The following HR variants were observed in gnomAD, a reference collection of about 807,000 sequenced individuals.
HR encodes the protein lysine-specific demethylase hairless.
In HR, 83 loss-of-function variants were observed where a neutral mutation model predicts 128.6. The observed-to-expected ratio is 0.65, with a 90% CI of 0.54 to 0.77. HR has a LOEUF of 0.77. HR is among the 30% of genes least tolerant of loss of function. The pLI is 0.00. For missense variants in HR, 1,490 were observed against 1,574.6 expected, an observed-to-expected ratio of 0.95 and a Z score of 0.91; for synonymous variants, 681 against 658.2, an observed-to-expected ratio of 1.03 and a Z score of -0.53.
At position 22,125,644 on chromosome 8, in the gene HR, T is replaced by C; in HGVS notation, c.1494A>G (p.Gln498=). 2 of 1,612,660 alleles carry C rather than the reference T, an allele frequency of 1.2e-6. No individual in the cohort carries two copies. The highest frequency in any genetic ancestry group is 1.7e-6 in the Non-Finnish European group (2 of 1,179,630). Residue 498 remains glutamine, a synonymous_variant, in exon 4 of 19, where the codon CAA becomes CAG. Coordinates refer to ENST00000381418, the MANE Select transcript of HR (RefSeq NM_005144.5). Reference sequence around the variant, plus strand: ...CCTCTCCAGCTGCCTGGGCACAACTTTGGCATTGAGCCAGTTTTGCAGGGA... The same window carrying C: ...CCTCTCCAGCTGCCTGGGCACAACTCTGGCATTGAGCCAGTTTTGCAGGGA... ...LALPAKLAQC[Q]SCAQAAGEGG...
rs1826701624 is a variant in HR at position 22,120,186 on chromosome 8, A to G, written c.2777-13T>C. On this transcript the variant is annotated splice_polypyrimidine_tract_variant and intron_variant, in intron 12 of 18. Coordinates refer to ENST00000381418, the MANE Select transcript of HR (RefSeq NM_005144.5). The stretch of plus-strand genomic sequence containing the variant: ...GACTTTGGGCGAACTACAGGAGGAG[A>G]CAGAACGGCCATTGGCCTCCTCAGC... 1.3e-6 allele frequency: 2 copies of G among 1,593,642 alleles called. No homozygotes were observed. The highest frequency in any genetic ancestry group is 1.8e-5 in the Admixed American group (1 of 55,326).
Position 22,128,629 on chromosome 8 carries a change from A to C in HR, c.542T>G (p.Leu181Arg), listed in dbSNP as rs201231790. Residue 181 changes from leucine (L) to arginine (R), a missense_variant, in exon 2 of 19, where the codon CTG becomes CGG. Coordinates refer to ENST00000381418, the MANE Select transcript of HR (RefSeq NM_005144.5). The part of the protein sequence containing the change: ...LPPEHPCDWP[L>R]TPHPWVYSGG... ...GGAGTATACCCAGGGGTGCGGGGTC[A>C]GGGGCCAGTCACATGGATGCTCTGG... 59 of 1,600,976 alleles carry C rather than the reference A, an allele frequency of 3.7e-5. No homozygotes were observed. The highest frequency in any genetic ancestry group is 4.9e-5 in the Non-Finnish European group (58 of 1,174,780).
At chr8:22,117,873 G>A (rs568191520) in intron 16 of HR, 81 of 152,466 alleles carry the variant, frequency 5.3e-4, no homozygotes, top group African/African-American at 1.8e-3. Flanking sequence ...GGACCCTAGG[G>A]GAGTCCCAGC....
chr8:22,119,355 T>A, intron 14 of HR, 72 bp from the exon 15 acceptor site: 2 of 1,602,580 alleles, frequency 1.2e-6, no homozygotes, highest in Non-Finnish European at 1.7e-6. Context: ...ACGCCTGTAA[T>A]CCTGGCACTT....
At chr8:22,122,918 C>G (rs1187515736) in intron 6 of HR, 39 bp from the exon 7 acceptor site, 1 of 1,534,954 alleles carries the variant, frequency 6.5e-7, no homozygotes, top group Non-Finnish European at 8.8e-7. Context: ...GTCCAGAAAT[C>G]AAGGTAATCA....
At position 22,123,640 on chromosome 8, in the gene HR, C is replaced by T. The variant is rs1826811020; in HGVS notation, c.1915+9G>A. On this transcript the variant is annotated intron_variant, in intron 6 of 18. Coordinates refer to ENST00000381418, the MANE Select transcript of HR (RefSeq NM_005144.5). Reference sequence around the variant, plus strand: ...CATCCCGCCCTCCCACCCCCAGCCCCTCTCCTACCTGCTTTCTCCCTGGCC... The same window carrying T: ...CATCCCGCCCTCCCACCCCCAGCCCTTCTCCTACCTGCTTTCTCCCTGGCC... 1 of 1,523,188 alleles carries T rather than the reference C, an allele frequency of 6.6e-7. No individual in the cohort carries two copies. Among genetic ancestry groups the T allele is most frequent in the Non-Finnish European group, 8.8e-7 (1 of 1,138,474 alleles). The allele number at this position is 1,523,188 out of a possible 1,614,324, so 94.4% of individuals were successfully genotyped here.
At chr8:22,117,949 G>A (rs999111637) in intron 16 of HR, 4 of 152,316 alleles carry the variant, frequency 2.6e-5, no homozygotes, top group Non-Finnish European at 5.9e-5. Flanking sequence ...GTGTTTCCCA[G>A]GCCACCCAGG....
At chr8:22,130,218 G>A (rs1221057726) in intron 1 of HR, among the ~76,000 whole-genome samples, 1 of 152,250 alleles carries the variant, frequency 6.6e-6, no homozygotes, top group Non-Finnish European at 1.5e-5. Context: ...CCAGGCGGGA[G>A]GTGACGGCGC....
At chr8:22,123,616 A>AGGGGGGCCCC (rs1563180402) in intron 6 of HR, 33 bp downstream of exon 6, 1 of 562,348 alleles carries the variant, frequency 1.8e-6, no homozygotes, top group African/African-American at 2.0e-5. Context: ...TGAGGGCTCC[A>AGGGGGGCCCC]TCCCGCCCTC....
At chr8:22,122,681 G>C in intron 7 of HR, 73 bp from the exon 8 acceptor site, 1 of 1,489,130 alleles carries the variant, frequency 6.7e-7, no homozygotes, top group Non-Finnish European at 9.2e-7. Context: ...GGGCAGCTTG[G>C]CCTTGCCAAG....
In HR at chr8:22,127,539, G is replaced by A. The variant is rs139332274; in HGVS notation, c.903C>T (p.Asn301=). The A allele has an allele frequency of 6.2e-6, 10 of 1,613,094 alleles. No individual in the cohort carries two copies. Among genetic ancestry groups the A allele is most frequent in the South Asian group, 3.3e-5 (3 of 91,088 alleles). Residue 301 remains asparagine (N), a synonymous_variant, in exon 3 of 19, where the codon AAC becomes AAT. Coordinates refer to ENST00000381418, the MANE Select transcript of HR (RefSeq NM_005144.5). ...GNVWAGPGDG[N]LGYQLGPPAT... ...CTGGTGGCCCCAGCTGGTACCCAAG[G>A]TTCCCATCGCCTGGCCCAGCCCAGA...
chr8:22,123,902 G>T, intron 5 of HR, 89 bp from the exon 6 acceptor site: 1 of 1,429,676 alleles, frequency 7.0e-7, no homozygotes. Flanking sequence ...AGGAGGGGCA[G>T]GAGAAGCAAG....
Position 22,125,390 on chromosome 8 carries a change from G to A in HR, c.1671C>T (p.His557=), listed in dbSNP as rs558300129. ...DSRLSTGLAK[H]LLSGLGDRLC... ...GTCGGTCCCCCAAACCACTGAGCAG[G>A]TGCTTGGCGAGGCCTGTGCTGAGCC... Residue 557 remains histidine, a synonymous_variant, in exon 5 of 19, where the codon CAC becomes CAT. Coordinates refer to ENST00000381418, the MANE Select transcript of HR (RefSeq NM_005144.5). 4 of 1,611,148 alleles carry A rather than the reference G, an allele frequency of 2.5e-6. No individual in the cohort carries two copies. The highest frequency in any genetic ancestry group is 3.3e-5 in the Admixed American group (2 of 59,720).
rs574361484 is a variant in HR at position 22,121,215 on chromosome 8, G to A, written c.2217C>T (p.Ser739=). The A allele has an allele frequency of 4.4e-5, 71 of 1,613,684 alleles. No homozygotes were observed. The highest frequency in any genetic ancestry group is 1.6e-4 in the Middle Eastern group (1 of 6,084). ...TKSIKEETPD[S]AETPAEDRAG... is the part of the protein sequence containing the mutation. ...CACGGTCCTCTGCTGGGGTCTCAGCGGAATCGGGGGTCTCTGTCAGGGAGG... is the reference window on the plus strand; with the variant it reads ...CACGGTCCTCTGCTGGGGTCTCAGCAGAATCGGGGGTCTCTGTCAGGGAGG... Residue 739 remains serine (S), a synonymous_variant, in exon 10 of 19, where the codon TCC becomes TCT. Coordinates refer to ENST00000381418, the MANE Select transcript of HR (RefSeq NM_005144.5).
chr8:22,128,727 C>T lies in HR; in HGVS notation c.444G>A (p.Glu148=). 6.3e-7 allele frequency: 1 copy of T among 1,588,924 alleles called. No individual in the cohort carries two copies. Among genetic ancestry groups the T allele is most frequent in the Non-Finnish European group, 8.6e-7 (1 of 1,167,974 alleles). The change falls in exon 2 of 19, where the codon GAG becomes GAA. Residue 148 remains glutamate, a synonymous_variant. Transcript: ENST00000381418. The stretch of plus-strand genomic sequence containing the variant: ...AGGGAGCTCGCTCCAGGATCTTGGT[C>T]TCCAGAAGGAAAGGGCAGTGCCAGG... The part of the protein sequence containing the change: ...FRPWHCPFLL[E]TKILERAPFW...
intron 11 of HR, 40 bp from the exon 12 acceptor site, chr8:22,120,547 A>G (rs781105215): frequency 2.5e-6 from 4 of 1,611,324 alleles, no homozygotes; most frequent in South Asian, 1.1e-5. Flanking sequence ...GAGAATGGCC[A>G]GGGTGCCCGC....
chr8:22,116,365 G>A lies in HR; in HGVS notation c.3442C>T (p.Leu1148Phe), dbSNP rs372041864. 8 of 1,613,396 alleles carry A rather than the reference G, an allele frequency of 5.0e-6. No homozygotes were observed. The African/African-American group carries it at 8.0e-5, about 16-fold the overall frequency. Residue 1148 changes from leucine to phenylalanine, a missense_variant, in exon 18 of 19, where the codon CTC (leucine) becomes TTC (phenylalanine). Coordinates refer to ENST00000381418, the MANE Select transcript of HR (RefSeq NM_005144.5). This position sits in a 1 kb window ranked among gnomAD's most constrained non-coding sequence, Gnocchi z 4.2. ...CCCTGGTGGCAGAGCTGAGCAGAGA[G>A]GGCAGAGGTCTCAGGGGAGAGGAAG... ...QHFLSPETSA[L>F]SAQLCHQGPS...
intron 9 of HR, 148 bp from the exon 10 acceptor site, chr8:22,121,376 T>C (rs1466870816): frequency 8.9e-6 from 10 of 1,123,052 alleles, no homozygotes; most frequent in African/African-American, 1.6e-5. Context: ...GCTCTGGGTC[T>C]CCCCGCTCTA....
rs376198743 is a variant in HR, at chr8:22,117,032, G to A, written c.3221C>T (p.Pro1074Leu). 51 of 1,502,720 alleles carry A rather than the reference G, an allele frequency of 3.4e-5. No individual in the cohort carries two copies. Among genetic ancestry groups the A allele is most frequent in the Non-Finnish European group, 4.2e-5 (47 of 1,132,352 alleles). 93.1% of individuals were successfully genotyped at this position (1,502,720 alleles called of 1,614,324 possible). Residue 1074 changes from proline (P) to leucine (L), a missense_variant, in exon 17 of 19, where the codon CCG becomes CTG. Pro to Leu is a moderately conservative substitution (Grantham distance 98, BLOSUM62 -3). Around this residue, in one of 3 missense-constraint regions of HR, gnomAD observed 423 missense variants for 495.9 expected, o/e 0.85. Transcript: ENST00000381418. ...RIRRFLQMVCPAGAGALEPGA... is the reference protein window; with the variant it reads ...RIRRFLQMVCLAGAGALEPGA... ...AGGCTCCAGGGCGCCTGCCCCGGCC[G>A]GGCACACCTCAAAGAAGAGAAGGGG...
Sources: allele counts gnomAD v4.1 joint callset (sites outside exome capture counted in the v4.1 genomes callset), GRCh38; gene constraint gnomAD v4.1.1; regional missense constraint gnomAD v4.1.1; non-coding constraint Gnocchi (gnomAD v3.1); transcripts MANE v1.5; gene names NCBI Gene and HGNC (gene_info 2026-07-23, HGNC 2026-07-21).